Variants in PC observed in about 807,000 individuals in gnomAD.
PC encodes pyruvate carboxylase, mitochondrial.
A neutral mutation model predicts 107.8 loss-of-function variants in PC; 46 were observed. That is an observed-to-expected ratio of 0.43 (90% confidence interval 0.34 to 0.55). The LOEUF is 0.55. Ranked by LOEUF, PC falls within the 20% of genes least tolerant of loss-of-function variation. The pLI, the probability that PC is intolerant of heterozygous loss-of-function variation, is 0.04. For synonymous variants in PC, 662 were observed against 684.7 expected (o/e 0.97, Z 0.52); for missense variants, 1,241 against 1,643.1 (o/e 0.76, Z 4.23).
At chr11:66,850,988 G>C in intron 17 of PC, 52 bp downstream of exon 17, 1 of 1,609,150 alleles carries the variant, frequency 6.2e-7, no homozygotes, top group African/African-American at 1.3e-5. Context: ...CCTGTGGGTG[G>C]CGGGGACATG....
chr11:66,873,510 A>G (rs1473215378), intron 3 of PC, among the ~76,000 whole-genome samples: 2 of 1,342 alleles, frequency 1.5e-3, no homozygotes, highest in Non-Finnish European at 0.032. Flanking sequence ...ATAATATTAT[A>G]TATTATATTA....
intron 12 of PC, among the ~76,000 whole-genome samples, chr11:66,855,244 C>T (rs1331216226): frequency 6.6e-6 from 1 of 152,184 alleles, no homozygotes; most frequent in African/African-American, 2.4e-5. Context: ...GAACCAGGCC[C>T]ATCTGGTTCC....
intron 3 of PC, among the ~76,000 whole-genome samples, chr11:66,934,141 C>T (rs776477493): frequency 1.3e-5 from 2 of 152,150 alleles, no homozygotes; most frequent in Non-Finnish European, 2.9e-5. Context: ...CCGCCTCCTA[C>T]GAACTCAAAT....
At chr11:66,954,603 G>A (rs1246694709) in intron 1 of PC, among the ~76,000 whole-genome samples, 167 bp from the exon 2 acceptor site, 4 of 152,152 alleles carry the variant, frequency 2.6e-5, no homozygotes, top group Non-Finnish European at 5.9e-5. Flanking sequence ...GGGGCAGGAC[G>A]ATATTGGGAG....
intron 3 of PC, among the ~76,000 whole-genome samples, chr11:66,922,741 G>A (rs1319726469): frequency 6.6e-6 from 1 of 152,104 alleles, no homozygotes. Flanking sequence ...GAAGCCCAGA[G>A]CCACAGACAG....
chr11:66,934,189 G>A (rs1948937096), intron 3 of PC, among the ~76,000 whole-genome samples: 1 of 152,000 alleles, frequency 6.6e-6, no homozygotes, highest in South Asian at 2.1e-4. Context: ...ACCCACCTGA[G>A]AGAGTCCCCT....
chr11:66,869,598 G>T (rs544099168), intron 9 of PC, among the ~76,000 whole-genome samples: 1 of 152,298 alleles, frequency 6.6e-6, no homozygotes, highest in South Asian at 2.1e-4. Context: ...CGCGACCCTG[G>T]TCGATGCCTC....
At chr11:66,951,161 C>T (rs1949427587) in intron 3 of PC, among the ~76,000 whole-genome samples, 1 of 152,106 alleles carries the variant, frequency 6.6e-6, no homozygotes, top group South Asian at 2.1e-4. Flanking sequence ...GGTGGAAAAC[C>T]GAGAAAAACT....
chr11:66,910,017 C>G (rs2136068447), intron 3 of PC, among the ~76,000 whole-genome samples: 1 of 152,270 alleles, frequency 6.6e-6, no homozygotes, highest in Non-Finnish European at 1.5e-5. Context: ...TTGAAAAATT[C>G]AACAATTAAC....
chr11:66,890,381 T>C (rs1232109712), intron 3 of PC, among the ~76,000 whole-genome samples: 3 of 145,984 alleles, frequency 2.1e-5, no homozygotes, highest in Non-Finnish European at 4.5e-5. Context: ...CAGTGACAAA[T>C]AGATTGTTTC....
intron 3 of PC, among the ~76,000 whole-genome samples, chr11:66,888,318 A>T (rs1947447788): frequency 6.6e-6 from 1 of 152,228 alleles, no homozygotes; most frequent in Non-Finnish European, 1.5e-5. Flanking sequence ...CTATCCAGTT[A>T]GACTACTAAT....
chr11:66,866,119 G>A lies in PC; in HGVS notation c.1185+68C>T. ...CGGGCTGTGGCAACTTGGCACTGCA[G>A]CCCCAGGCACCAGGCAGAACCTGTG... On this transcript the variant is annotated intron_variant, in intron 11 of 22. Transcript: ENST00000393960. This position sits in a 1 kb window ranked among gnomAD's most constrained non-coding sequence, Gnocchi z 5.4. 4 of 1,550,144 alleles carry A rather than the reference G, an allele frequency of 2.6e-6. No homozygotes were observed. Among genetic ancestry groups the A allele is most frequent in the Non-Finnish European group, 3.5e-6 (4 of 1,142,466 alleles).
At chr11:66,919,603 A>G (rs1242481829) in intron 3 of PC, among the ~76,000 whole-genome samples, 1 of 152,214 alleles carries the variant, frequency 6.6e-6, no homozygotes, top group Non-Finnish European at 1.5e-5. Context: ...AGCCAGAGGC[A>G]GTGAATACAC....
chr11:66,943,204 G>C (rs1011244126), intron 3 of PC, among the ~76,000 whole-genome samples: 2 of 151,854 alleles, frequency 1.3e-5, no homozygotes, highest in African/African-American at 4.8e-5. Context: ...AGGTCGAGCT[G>C]GCCATGGTGG....
intron 3 of PC, among the ~76,000 whole-genome samples, chr11:66,914,101 C>G (rs568421268): frequency 1.0e-3 from 153 of 152,318 alleles, no homozygotes; most frequent in African/African-American, 3.6e-3. Context: ...TTCGGTAAGT[C>G]AGCAGGTCTT....
intron 3 of PC, among the ~76,000 whole-genome samples, chr11:66,905,680 A>G (rs954706129): frequency 2.0e-5 from 3 of 152,312 alleles, no homozygotes; most frequent in Non-Finnish European, 4.4e-5. Flanking sequence ...AGAAGCACCA[A>G]TAGAGAAATA....
chr11:66,862,091 C>T (rs992654939), intron 12 of PC, among the ~76,000 whole-genome samples: 19 of 152,160 alleles, frequency 1.2e-4, no homozygotes, highest in Admixed American at 9.2e-4. Context: ...CTGTGCATGG[C>T]CACGCATCCC....
chr11:66,857,853 C>G lies in PC; in HGVS notation c.1369-4470G>C. 6.2e-7 allele frequency: 1 copy of G among 1,608,644 alleles called. No homozygotes were observed. The highest frequency in any genetic ancestry group is 8.5e-7 in the Non-Finnish European group (1 of 1,179,882). ...GTCGCTCAGCACCCTCTGTGCCCAC[C>G]GAGGCCTGCTGTTTGTGCCGCCCAA... On this transcript the variant is annotated intron_variant, in intron 12 of 22. Transcript: ENST00000393960. The surrounding 1 kb of genome is among the most constrained non-coding windows in gnomAD (Gnocchi z 7.1).
At chr11:66,873,129 C>A (rs1431137333) in intron 3 of PC, among the ~76,000 whole-genome samples, 1 of 149,462 alleles carries the variant, frequency 6.7e-6, no homozygotes, top group African/African-American at 2.5e-5. Context: ...TGTGTGAGCT[C>A]AAGAGTTTGA....
Sources: gnomAD v4.1 joint callset for allele counts (sites outside exome capture counted in the v4.1 genomes callset) on GRCh38, gnomAD v4.1.1 for gene constraint, Gnocchi (gnomAD v3.1) non-coding constraint, MANE v1.5 for transcripts, NCBI Gene and HGNC (gene_info 2026-07-23, HGNC 2026-07-21) for gene names.